ZNF236: variants seen among roughly 807,000 people sequenced by gnomAD.
The protein encoded by ZNF236 is zinc finger protein 236.
Under a neutral mutation model 191.2 loss-of-function variants are expected in ZNF236, and 50 were observed. The ratio of observed to expected loss-of-function variants is 0.26; its 90% CI spans 0.21 to 0.33. The LOEUF (loss-of-function observed/expected upper bound fraction) is 0.33, where lower values mean the gene tolerates loss of function less well. ZNF236 is among the 10% of genes least tolerant of loss of function. ZNF236 has a pLI of 1.00. For missense variants in ZNF236, 1,754 were observed against 2,374.5 expected, an observed-to-expected ratio of 0.74 and a Z score of 5.43; for synonymous variants, 907 against 928.8, an observed-to-expected ratio of 0.98 and a Z score of 0.43.
intron 19 of ZNF236, among the ~76,000 whole-genome samples, chr18:76,917,464 T>G (rs1165279112): frequency 6.6e-6 from 1 of 152,236 alleles, no homozygotes; most frequent in Non-Finnish European, 1.5e-5. Context: ...ACATATTTAT[T>G]TAGATTCACC....
At chr18:76,964,699 A>AT (rs1337289950) in intron 30 of ZNF236, among the ~76,000 whole-genome samples, 4 of 151,994 alleles carry the variant, frequency 2.6e-5, no homozygotes, top group Non-Finnish European at 5.9e-5. Context: ...TGTCTATCTC[A>AT]TTTTTTAGAT....
chr18:76,874,339 G>A (rs943346689), intron 5 of ZNF236, among the ~76,000 whole-genome samples: 1 of 152,122 alleles, frequency 6.6e-6, no homozygotes, highest in Non-Finnish European at 1.5e-5. Flanking sequence ...GTTTCTTAGG[G>A]AGTGAAAATT....
chr18:76,929,800 G>A (rs1967799834), intron 25 of ZNF236, among the ~76,000 whole-genome samples: 2 of 152,072 alleles, frequency 1.3e-5, no homozygotes, highest in South Asian at 2.1e-4. Context: ...TTAATTTATG[G>A]TAACCTGTTA....
At chr18:76,943,141 AAG>A (rs1491514129) in intron 26 of ZNF236, among the ~76,000 whole-genome samples, 15 of 150,658 alleles carry the variant, frequency 1.0e-4, no homozygotes, top group South Asian at 6.3e-4. Context: ...AAAAAAAAAA[AAG>A]AAGAGCAAAT....
At chr18:76,840,586 A>G (rs1975453593) in intron 1 of ZNF236, among the ~76,000 whole-genome samples, 1 of 151,882 alleles carries the variant, frequency 6.6e-6, no homozygotes, top group Non-Finnish European at 1.5e-5. Context: ...AGATACTGAC[A>G]AAATTAGCAT....
At chr18:76,959,436 G>A (rs186511768) in intron 28 of ZNF236, among the ~76,000 whole-genome samples, 77 of 152,332 alleles carry the variant, frequency 5.1e-4, no homozygotes, top group Non-Finnish European at 7.4e-4. Context: ...TTGGGACACA[G>A]ATGTGGCCAA....
At chr18:76,957,721 G>T (rs1968555820) in intron 28 of ZNF236, among the ~76,000 whole-genome samples, 1 of 152,122 alleles carries the variant, frequency 6.6e-6, no homozygotes, top group Admixed American at 6.5e-5. Flanking sequence ...ACGGGTCCAT[G>T]TGTTCTCACC....
intron 1 of ZNF236, among the ~76,000 whole-genome samples, chr18:76,843,805 AGTAAAG>A (rs1975591345): frequency 7.3e-6 from 1 of 137,112 alleles, no homozygotes; most frequent in African/African-American, 2.7e-5. Flanking sequence ...AAAAAAAAAA[AGTAAAG>A]AAGAGACCGG....
intron 10 of ZNF236, among the ~76,000 whole-genome samples, chr18:76,895,835 C>T (rs541445472): frequency 2.6e-5 from 4 of 151,916 alleles, no homozygotes; most frequent in Non-Finnish European, 4.4e-5. Flanking sequence ...ACAAATACTG[C>T]CCTCAGGGAC....
At chr18:76,942,348 A>C (rs1248308431) in intron 26 of ZNF236, among the ~76,000 whole-genome samples, 2 of 152,176 alleles carry the variant, frequency 1.3e-5, no homozygotes, top group African/African-American at 4.8e-5. Context: ...TAAACATAGA[A>C]ATTACTGTAC....
chr18:76,906,569 C>G (rs3794870), intron 13 of ZNF236, among the ~76,000 whole-genome samples: 2,323 of 152,268 alleles, frequency 0.015, 27 homozygotes, highest in Middle Eastern at 0.02. Context: ...TAAACCAAAT[C>G]TTTTTCAGTC....
At chr18:76,931,799 T>A (rs1211666870) in intron 25 of ZNF236, among the ~76,000 whole-genome samples, 1 of 152,242 alleles carries the variant, frequency 6.6e-6, no homozygotes, top group African/African-American at 2.4e-5. Flanking sequence ...CAGTTTAGGA[T>A]AACATACCTA....
intron 13 of ZNF236, among the ~76,000 whole-genome samples, chr18:76,906,786 G>A (rs957652625): frequency 1.3e-5 from 2 of 152,196 alleles, no homozygotes; most frequent in African/African-American, 2.4e-5. Context: ...AAGCAGATCA[G>A]CCTGTTGTTG....
intron 28 of ZNF236, among the ~76,000 whole-genome samples, chr18:76,958,207 C>T (rs1039298438): frequency 1.3e-5 from 2 of 152,174 alleles, no homozygotes; most frequent in East Asian, 1.9e-4. Context: ...TACAGCTGAT[C>T]GCAAACTTAT....
intron 26 of ZNF236, among the ~76,000 whole-genome samples, chr18:76,939,755 G>C (rs1245791500): frequency 6.6e-6 from 1 of 152,048 alleles, no homozygotes; most frequent in Non-Finnish European, 1.5e-5. Flanking sequence ...TTGGGAACTC[G>C]GTGGGCGACC....
Position 76,880,451 on chromosome 18 carries a change from G to A in ZNF236, c.1188+135G>A. On this transcript the variant is annotated intron_variant, in intron 8 of 30. Transcript: ENST00000320610. The surrounding 1 kb of genome is among the most constrained non-coding windows in gnomAD (Gnocchi z 5.0). ...CATGAAAAATGTGCCTGAACCGAAAGAAATTAATATGCCTACTTAATTGCT... is the reference window on the plus strand; with the variant it reads ...CATGAAAAATGTGCCTGAACCGAAAAAAATTAATATGCCTACTTAATTGCT... 6.9e-6 allele frequency: 6 copies of A among 863,966 alleles called. No individual in the cohort carries two copies. The highest frequency in any genetic ancestry group is 1.0e-5 in the Non-Finnish European group (6 of 584,366). 53.5% of individuals were successfully genotyped at this position (863,966 alleles called of 1,614,324 possible). A position where few individuals can be genotyped will look rare whatever the true frequency, so the allele number is the denominator to read the frequency against.
chr18:76,929,979 T>C (rs1212749307), intron 25 of ZNF236, among the ~76,000 whole-genome samples: 2 of 152,202 alleles, frequency 1.3e-5, no homozygotes, highest in African/African-American at 4.8e-5. Context: ...CAGAAAAAGG[T>C]TACACGTTGA....
At chr18:76,914,018 G>T (rs1898717422) in intron 18 of ZNF236, 120 bp downstream of exon 18, 6 of 1,078,700 alleles carry the variant, frequency 5.6e-6, no homozygotes, top group Non-Finnish European at 8.0e-6. Flanking sequence ...TTTTTAGTAT[G>T]TTCATAGAGT....
intron 1 of ZNF236, among the ~76,000 whole-genome samples, chr18:76,834,093 G>T (rs1277503059): frequency 6.6e-6 from 1 of 152,050 alleles, no homozygotes; most frequent in African/African-American, 2.4e-5. Flanking sequence ...AGTTTTGTTT[G>T]TAAGAACCAT....
Sources: gnomAD v4.1 joint callset for allele counts (sites outside exome capture counted in the v4.1 genomes callset) on GRCh38, gnomAD v4.1.1 for gene constraint, Gnocchi (gnomAD v3.1) non-coding constraint, MANE v1.5 for transcripts, NCBI Gene and HGNC (gene_info 2026-07-23, HGNC 2026-07-21) for gene names.